CDH4: variants seen among roughly 807,000 people sequenced by gnomAD.
The protein encoded by CDH4 is cadherin 4, also known as cadherin-4.
In CDH4, 33 loss-of-function variants were observed where a neutral mutation model predicts 86.0. The observed-to-expected ratio is 0.38, with a 90% CI of 0.29 to 0.51. CDH4 has a LOEUF of 0.51. Ranked by LOEUF, CDH4 falls within the 20% of genes least tolerant of loss-of-function variation. The pLI is 0.86. For synonymous variants in CDH4, 555 were observed against 549.4 expected, an observed-to-expected ratio of 1.01 and a Z score of -0.14; for missense variants, 1,114 against 1,307.4, an observed-to-expected ratio of 0.85 and a Z score of 2.28.
intron 2 of CDH4, among the ~76,000 whole-genome samples, chr20:61,664,413 G>A (rs2087299170): frequency 6.6e-6 from 1 of 152,202 alleles, no homozygotes; most frequent in Admixed American, 6.5e-5. Flanking sequence ...CTGGGGCATG[G>A]GGAGAGCTGG....
chr20:61,565,170 G>GT (rs1555809040), intron 2 of CDH4, among the ~76,000 whole-genome samples: 3 of 127,244 alleles, frequency 2.4e-5, no homozygotes, highest in South Asian at 3.1e-4. Flanking sequence ...CTTGGTGATG[G>GT]GGTGGTGGTG....
At chr20:61,831,333 A>G (rs1981602418) in intron 4 of CDH4, among the ~76,000 whole-genome samples, 1 of 152,230 alleles carries the variant, frequency 6.6e-6, no homozygotes, top group Non-Finnish European at 1.5e-5. Context: ...CTGAATTTCA[A>G]CTGAGAAGCA....
chr20:61,506,690 G>C (rs965099882), intron 2 of CDH4, among the ~76,000 whole-genome samples: 1 of 152,170 alleles, frequency 6.6e-6, no homozygotes. Context: ...GGAGGAAAAG[G>C]CTGAGCCAAC....
At chr20:61,631,116 C>T (rs573988425) in intron 2 of CDH4, among the ~76,000 whole-genome samples, 3 of 152,142 alleles carry the variant, frequency 2.0e-5, no homozygotes, top group Admixed American at 6.5e-5. Context: ...TGCTAAGCAC[C>T]GCTGTGTCCA....
intron 3 of CDH4, among the ~76,000 whole-genome samples, chr20:61,753,697 A>C (rs550952813): frequency 6.6e-6 from 1 of 152,208 alleles, no homozygotes; most frequent in Admixed American, 6.5e-5. Context: ...TTTGCAAAAA[A>C]AGAAACTGTT....
rs138123108 is a variant in CDH4, at chr20:61,368,102, C to T, written c.169+113165C>T. ...GTCAGGCTGGTCTCAAAGTCCTGAC[C>T]TCATGATCCGCCCGCCTCGGCCTCC... On this transcript the variant is annotated intron_variant, in intron 2 of 15. Transcript: ENST00000614565. Among the ~76,000 whole-genome samples the T allele has an allele frequency of 5.3e-3, 806 of 152,244 alleles. 5 individuals carry two copies. Among genetic ancestry groups the T allele is most frequent in the African/African-American group, 0.019 (776 of 41,544 alleles).
At chr20:61,677,049 C>T (rs2087451830) in intron 2 of CDH4, among the ~76,000 whole-genome samples, 1 of 152,172 alleles carries the variant, frequency 6.6e-6, no homozygotes, top group African/African-American at 2.4e-5. Flanking sequence ...GCAGTAGGTC[C>T]TTCGTAGGGC....
At chr20:61,848,535 G>GTATTA (rs1982566954) in intron 5 of CDH4, among the ~76,000 whole-genome samples, 1 of 151,730 alleles carries the variant, frequency 6.6e-6, no homozygotes, top group Non-Finnish European at 1.5e-5. Flanking sequence ...GTATTGTATT[G>GTATTA]TATTTTTTGA....
At chr20:61,857,307 G>C (rs765889965) in intron 6 of CDH4, among the ~76,000 whole-genome samples, 6 of 152,250 alleles carry the variant, frequency 3.9e-5, no homozygotes, top group Non-Finnish European at 7.3e-5. Context: ...CCCGGGCTGC[G>C]TATGTGACCC....
intron 2 of CDH4, among the ~76,000 whole-genome samples, chr20:61,378,363 G>A (rs1260135933): frequency 2.0e-5 from 3 of 152,194 alleles, no homozygotes; most frequent in African/African-American, 7.2e-5. Flanking sequence ...CACAAGGTGG[G>A]TGGCTTAGAA....
At chr20:61,327,620 G>A (rs1406590331) in intron 2 of CDH4, among the ~76,000 whole-genome samples, 11 of 152,206 alleles carry the variant, frequency 7.2e-5, no homozygotes, top group African/African-American at 2.2e-4. Context: ...TAGGGAAATC[G>A]ATTCTCGTGC....
intron 2 of CDH4, among the ~76,000 whole-genome samples, chr20:61,306,064 G>C (rs1173285888): frequency 1.3e-5 from 2 of 152,168 alleles, no homozygotes; most frequent in Non-Finnish European, 2.9e-5. Flanking sequence ...GGAGTAGGCT[G>C]TGGGTTTCAG....
chr20:61,691,518 T>C (rs1324531530), intron 2 of CDH4, among the ~76,000 whole-genome samples: 1 of 152,150 alleles, frequency 6.6e-6, no homozygotes, highest in Admixed American at 6.5e-5. Context: ...ATATGTACAG[T>C]CACACTTCAC....
At chr20:61,912,401 C>T (rs965082158) in intron 9 of CDH4, among the ~76,000 whole-genome samples, 3 of 152,144 alleles carry the variant, frequency 2.0e-5, no homozygotes, top group Non-Finnish European at 4.4e-5. Context: ...TCTTAATAAC[C>T]TCTTTTGTAA....
chr20:61,575,869 A>C (rs2253219), intron 2 of CDH4, among the ~76,000 whole-genome samples: 1 of 152,046 alleles, frequency 6.6e-6, no homozygotes, highest in African/African-American at 2.4e-5. Flanking sequence ...GAGCCACCCA[A>C]GTCTCAGGAA....
intron 2 of CDH4, among the ~76,000 whole-genome samples, chr20:61,646,583 T>TG (rs937864752): frequency 3.3e-5 from 5 of 152,286 alleles, no homozygotes; most frequent in African/African-American, 1.2e-4. Context: ...GGGGGATCCC[T>TG]GGGGGGACGA....
At chr20:61,282,547 ATGTGTG>A (rs71185912) in intron 2 of CDH4, among the ~76,000 whole-genome samples, 1 of 130,122 alleles carries the variant, frequency 7.7e-6, no homozygotes, top group African/African-American at 2.8e-5. Context: ...GTGTGTGTGC[ATGTGTG>A]TGTGTGTGTG....
chr20:61,772,963 C>G, intron 3 of CDH4, 40 bp from the exon 4 acceptor site: 1 of 1,573,374 alleles, frequency 6.4e-7, no homozygotes, highest in East Asian at 2.3e-5. Flanking sequence ...CAAAACCTAA[C>G]TGGACTTCTC....
At chr20:61,914,929 C>T (rs1055159135) in intron 9 of CDH4, among the ~76,000 whole-genome samples, 19 of 152,132 alleles carry the variant, frequency 1.2e-4, no homozygotes, top group Admixed American at 7.2e-4. Flanking sequence ...GAACTAGTGC[C>T]GTCCCTATTT....
Sources: gnomAD v4.1 joint callset for allele counts (sites outside exome capture counted in the v4.1 genomes callset) on GRCh38, gnomAD v4.1.1 for gene constraint, MANE v1.5 for transcripts, NCBI Gene and HGNC (gene_info 2026-07-23, HGNC 2026-07-21) for gene names.